ADAM12: variants seen among roughly 807,000 people sequenced by gnomAD.
ADAM12 encodes ADAM metallopeptidase domain 12.
In ADAM12, 70 loss-of-function variants were observed where a neutral mutation model predicts 106.4. That is an observed-to-expected ratio of 0.66 (90% CI 0.54 to 0.80). ADAM12 has a LOEUF of 0.80. ADAM12 is among the 30% of genes least tolerant of loss of function. The pLI is 0.00. For missense variants in ADAM12, 1,010 were observed against 1,171.9 expected, an observed-to-expected ratio of 0.86 and a Z score of 2.02; for synonymous variants, 420 against 433.5, an observed-to-expected ratio of 0.97 and a Z score of 0.39.
chr10:126,371,363 C>T (rs190927282), intron 1 of ADAM12, among the ~76,000 whole-genome samples: 34 of 152,326 alleles, frequency 2.2e-4, no homozygotes, highest in Non-Finnish European at 1.0e-4. Context: ...GTTGTCTGAT[C>T]ATGCACTGAA....
chr10:126,139,739 C>T (rs1956475619), intron 4 of ADAM12, among the ~76,000 whole-genome samples: 1 of 152,058 alleles, frequency 6.6e-6, no homozygotes, highest in Non-Finnish European at 1.5e-5. Context: ...CCCTGTTCCT[C>T]CCCCAGAGAA....
chr10:126,286,544 T>C (rs77537215), intron 2 of ADAM12, among the ~76,000 whole-genome samples: 153 of 152,338 alleles, frequency 1.0e-3, no homozygotes, highest in East Asian at 9.6e-3. Flanking sequence ...GGCTGCAGCC[T>C]TGGCATTCAC....
chr10:126,249,076 T>C (rs1958690432), intron 3 of ADAM12, among the ~76,000 whole-genome samples: 1 of 152,178 alleles, frequency 6.6e-6, no homozygotes, highest in South Asian at 2.1e-4. Context: ...ACTTTACAGT[T>C]GGAGGAAACT....
At chr10:126,289,074 C>T (rs771126448) in intron 2 of ADAM12, among the ~76,000 whole-genome samples, 5 of 135,204 alleles carry the variant, frequency 3.7e-5, no homozygotes, top group Admixed American at 7.3e-5. Context: ...TGTGGTGACA[C>T]GGTGGCCCAG....
chr10:126,284,038 G>A (rs1296576330), intron 2 of ADAM12, among the ~76,000 whole-genome samples: 1 of 152,118 alleles, frequency 6.6e-6, no homozygotes, highest in Non-Finnish European at 1.5e-5. Flanking sequence ...TTTGTTAAAA[G>A]TCTATCCTTC....
intron 2 of ADAM12, among the ~76,000 whole-genome samples, chr10:126,313,837 G>A (rs1025869419): frequency 6.6e-6 from 1 of 152,098 alleles, no homozygotes; most frequent in African/African-American, 2.4e-5. Flanking sequence ...GACATAAACA[G>A]ATAAAGAAAA....
intron 3 of ADAM12, among the ~76,000 whole-genome samples, chr10:126,205,328 GT>G (rs1197496881): frequency 1.5e-4 from 8 of 53,066 alleles, no homozygotes; most frequent in Admixed American, 9.5e-4. Context: ...CTGAAAGTAT[GT>G]TTAAAAAAAA....
chr10:126,278,177 C>T (rs1446136661), intron 3 of ADAM12, among the ~76,000 whole-genome samples: 2 of 152,176 alleles, frequency 1.3e-5, no homozygotes, highest in African/African-American at 4.8e-5. Context: ...TCTTTACATA[C>T]AGATTGCTTA....
At chr10:126,202,013 G>T (rs187018528) in intron 3 of ADAM12, among the ~76,000 whole-genome samples, 8 of 152,320 alleles carry the variant, frequency 5.3e-5, no homozygotes, top group Non-Finnish European at 8.8e-5. Flanking sequence ...CAGTGGAAAG[G>T]CTCTGGGGCT....
chr10:126,036,047 G>T, intron 21 of ADAM12, 99 bp downstream of exon 21: 1 of 1,070,014 alleles, frequency 9.3e-7, no homozygotes, highest in Non-Finnish European at 1.2e-6. Context: ...ATTTTACAGA[G>T]GCACCGAGAA....
chr10:126,219,789 T>G (rs887560853), intron 3 of ADAM12, among the ~76,000 whole-genome samples: 1 of 152,222 alleles, frequency 6.6e-6, no homozygotes, highest in Non-Finnish European at 1.5e-5. Context: ...TGTTTTTGGA[T>G]AGACTTTCCT....
intron 11 of ADAM12, among the ~76,000 whole-genome samples, chr10:126,081,719 G>A (rs531885229): frequency 6.6e-6 from 1 of 152,324 alleles, no homozygotes; most frequent in Non-Finnish European, 1.5e-5. Context: ...GGCTAAACGA[G>A]CTTCAAACAA....
At chr10:126,387,951 C>T (rs1856734190) in intron 1 of ADAM12, 107 bp downstream of exon 1, 12 of 1,157,524 alleles carry the variant, frequency 1.0e-5, no homozygotes, top group East Asian at 8.2e-5. Flanking sequence ...GGAGATGCGC[C>T]GGGGCGCGTC....
At chr10:126,098,572 G>A in intron 9 of ADAM12, 72 bp from the exon 10 acceptor site, 1 of 1,299,372 alleles carries the variant, frequency 7.7e-7, no homozygotes, top group Admixed American at 1.7e-5. Flanking sequence ...TAAAAATTCT[G>A]TTGGATATTC....
chr10:126,248,174 T>C (rs967940606), intron 3 of ADAM12, among the ~76,000 whole-genome samples: 1 of 152,136 alleles, frequency 6.6e-6, no homozygotes, highest in African/African-American at 2.4e-5. Context: ...TATGCATCAC[T>C]GGGTAGTGGG....
At chr10:126,191,964 G>A (rs568147689) in intron 3 of ADAM12, among the ~76,000 whole-genome samples, 17 of 152,284 alleles carry the variant, frequency 1.1e-4, no homozygotes, top group Admixed American at 2.0e-4. Context: ...GGCTGGATGA[G>A]GAAGAGAGAG....
chr10:126,026,083 T>C (rs1039273332), intron 21 of ADAM12, among the ~76,000 whole-genome samples: 2 of 152,174 alleles, frequency 1.3e-5, no homozygotes, highest in African/African-American at 4.8e-5. Context: ...GACCCATTGG[T>C]GTGCTGTCTT....
intron 19 of ADAM12, among the ~76,000 whole-genome samples, chr10:126,038,889 C>T (rs1176439290): frequency 2.0e-5 from 3 of 150,498 alleles, no homozygotes. Context: ...TCCAGAAAAT[C>T]TGACCTTTGC....
chr10:126,201,222 C>T (rs1162800524), intron 3 of ADAM12, among the ~76,000 whole-genome samples: 1 of 152,184 alleles, frequency 6.6e-6, no homozygotes, highest in East Asian at 1.9e-4. Context: ...GTGATGGTGA[C>T]TTTATTTAAA....
Sources: gnomAD v4.1 joint callset for allele counts (sites outside exome capture counted in the v4.1 genomes callset) on GRCh38, gnomAD v4.1.1 for gene constraint, MANE v1.5 for transcripts, NCBI Gene and HGNC (gene_info 2026-07-23, HGNC 2026-07-21) for gene names.